The following CERS1 variants were observed in gnomAD, a reference collection of about 807,000 sequenced individuals.
The protein encoded by CERS1 is ceramide synthase 1.
In CERS1, 16 loss-of-function variants were observed where a neutral mutation model predicts 35.7. The observed-to-expected ratio is 0.45, with a 90% CI of 0.30 to 0.68. The LOEUF is 0.68. CERS1 is among the 30% of genes least tolerant of loss of function. The pLI is 0.08. For missense variants in CERS1, 454 were observed against 453.9 expected, an observed-to-expected ratio of 1.00 and a Z score of 0.00; for synonymous variants, 243 against 201.6, an observed-to-expected ratio of 1.21 and a Z score of -1.74.
Position 18,884,549 on chromosome 19 carries a change from A to G in CERS1, c.410-282T>C, listed in dbSNP as rs545113235. Reference sequence around the variant, plus strand: ...CAGCCTCCTGAGTAGCTAGGACTACAGGTGCATGCCACCAAGCCCGGCTAA... The same window carrying G: ...CAGCCTCCTGAGTAGCTAGGACTACGGGTGCATGCCACCAAGCCCGGCTAA... On this transcript the variant is annotated intron_variant, in intron 2 of 7. Transcript: ENST00000623882. Among the ~76,000 whole-genome samples the G allele has an allele frequency of 7.2e-5, 11 of 151,876 alleles. No homozygotes were observed. In the South Asian group the frequency reaches 2.3e-3, roughly 32 times the overall value.
intron 6 of CERS1, among the ~76,000 whole-genome samples, chr19:18,875,213 G>C (rs1372428519): frequency 6.6e-6 from 1 of 151,482 alleles, no homozygotes; most frequent in African/African-American, 2.4e-5. Flanking sequence ...TCCAGCGTGG[G>C]CGACAGAGTG....
At chr19:18,872,849 A>G (rs1347235681) in intron 6 of CERS1, among the ~76,000 whole-genome samples, 6 of 152,058 alleles carry the variant, frequency 3.9e-5, no homozygotes, top group African/African-American at 1.4e-4. Flanking sequence ...GGATTTCACC[A>G]CGTTGGCCAG....
Position 18,878,447 on chromosome 19 carries a change from G to A in CERS1, c.1010+483C>T. 1.0e-6 allele frequency: 1 copy of A among 990,662 alleles called. No homozygotes were observed. 61.4% of individuals were successfully genotyped at this position (990,662 alleles called of 1,614,324 possible). ...CCCAGCTCCTGTTTGGCCGGGCAGT[G>A]GGCTCCCCTGTCAAACTCAGAGGCC... is the stretch of plus-strand genomic sequence containing the variant. On this transcript the variant is annotated intron_variant, in intron 6 of 7. Transcript: ENST00000623882. The surrounding 1 kb of genome is among the most constrained non-coding windows in gnomAD (Gnocchi z 4.6).
chr19:18,869,857 G>A lies in CERS1; in HGVS notation c.*594+126C>T. On this transcript the variant is annotated intron_variant, in intron 7 of 7. Transcript: ENST00000623882. ...AGGGTGAGGTGCGGTGGCCGAAGTT[G>A]CTAGTAGCCTGGACAGGGCGGGTGG... 29 of 900,390 alleles carry A rather than the reference G, an allele frequency of 3.2e-5. 1 individual carries two copies. The South Asian group carries it at 4.0e-4, about 12-fold the overall frequency. The allele number at this position is 900,390 out of a possible 1,614,324, so 55.8% of individuals were successfully genotyped here.
At chr19:18,874,163 G>A (rs989541463) in intron 6 of CERS1, among the ~76,000 whole-genome samples, 22 of 152,140 alleles carry the variant, frequency 1.4e-4, no homozygotes, top group African/African-American at 5.1e-4. Flanking sequence ...ATCCTCACCC[G>A]GCCACTTCTG....
intron 2 of CERS1, among the ~76,000 whole-genome samples, chr19:18,888,132 G>A (rs1235736269): frequency 6.6e-6 from 1 of 152,160 alleles, no homozygotes; most frequent in Non-Finnish European, 1.5e-5. Context: ...GGCCAAGGTG[G>A]GTGGATCACT....
chr19:18,885,966 G>T (rs903740642), intron 2 of CERS1, among the ~76,000 whole-genome samples: 1 of 152,220 alleles, frequency 6.6e-6, no homozygotes, highest in South Asian at 2.1e-4. Context: ...CGCCAAGCGG[G>T]TCCTGCCTCA....
chr19:18,887,935 A>AC (rs970966482), intron 2 of CERS1, among the ~76,000 whole-genome samples: 21 of 151,374 alleles, frequency 1.4e-4, no homozygotes, highest in East Asian at 1.9e-4. Context: ...CAGCCCTGGC[A>AC]CCCCCCATCC....
At position 18,884,299 on chromosome 19, in the gene CERS1, C is replaced by T. The variant is rs759487126; in HGVS notation, c.410-32G>A. On this transcript the variant is annotated intron_variant, in intron 2 of 7. Transcript: ENST00000623882. The stretch of plus-strand genomic sequence containing the variant: ...AGAGCCAAATCTCACAGTCAGGGCC[C>T]TGCGAAGCCTCTAGACGATCGCCTC... 1.4e-5 allele frequency: 22 copies of T among 1,584,110 alleles called. 2 individuals carry two copies. The South Asian group carries it at 2.5e-4, about 18-fold the overall frequency.
At chr19:18,886,133 C>T (rs1465064313) in intron 2 of CERS1, among the ~76,000 whole-genome samples, 9 of 149,942 alleles carry the variant, frequency 6.0e-5, no homozygotes, top group East Asian at 1.9e-4. Flanking sequence ...TGGACGGGCA[C>T]GGTGGCTCAT....
Position 18,870,092 on chromosome 19 carries a change from C to T in CERS1, c.*485G>A. On this transcript the variant is annotated 3_prime_UTR_variant, in exon 7 of 8. Transcript: ENST00000623882. This position sits in a 1 kb window ranked among gnomAD's most constrained non-coding sequence, Gnocchi z 5.1. ...TCCGCCGCGAGCCAGACCTGGTCTC[C>T]TGGGGGTCCCGGCGTCGAAACAGGC... The T allele has an allele frequency of 3.8e-6, 6 of 1,574,760 alleles. No individual in the cohort carries two copies. Among genetic ancestry groups the T allele is most frequent in the Non-Finnish European group, 5.2e-6 (6 of 1,164,636 alleles).
chr19:18,875,725 A>C (rs1411144754), intron 6 of CERS1, among the ~76,000 whole-genome samples: 1 of 152,172 alleles, frequency 6.6e-6, no homozygotes, highest in African/African-American at 2.4e-5. Context: ...TTAGACAACA[A>C]GACCAGTGAC....
At chr19:18,888,599 G>A (rs1355155769) in intron 2 of CERS1, among the ~76,000 whole-genome samples, 2 of 150,938 alleles carry the variant, frequency 1.3e-5, no homozygotes, top group African/African-American at 4.9e-5. Flanking sequence ...GGGAGGCCAA[G>A]GGAGGCAGAT....
intron 2 of CERS1, among the ~76,000 whole-genome samples, chr19:18,889,988 T>G (rs947263833): frequency 6.6e-6 from 1 of 151,884 alleles, no homozygotes; most frequent in African/African-American, 2.4e-5. Flanking sequence ...CTGGTGGGAG[T>G]CCCTTCAGGC....
Position 18,895,722 on chromosome 19 carries a change from C to A in CERS1, c.249+102G>T. The A allele has an allele frequency of 1.7e-6, 1 of 588,866 alleles. No homozygotes were observed. The highest frequency in any genetic ancestry group is 2.3e-6 in the Non-Finnish European group (1 of 429,698). The allele number at this position is 588,866 out of a possible 1,614,324, so 36.5% of individuals were successfully genotyped here. A position where few individuals can be genotyped will look rare whatever the true frequency, so the allele number is the denominator to read the frequency against. On this transcript the variant is annotated intron_variant, in intron 1 of 7. Coordinates refer to ENST00000623882, the MANE Select transcript of CERS1 (RefSeq NM_021267.5). This position sits in a 1 kb window ranked among gnomAD's most constrained non-coding sequence, Gnocchi z 6.4. Reference sequence around the variant, plus strand: ...GTTCCGGCGACCCCTTCATCCGCAGCAGCCAGCGCTGGAAGAAAGGAACGC... The same window carrying A: ...GTTCCGGCGACCCCTTCATCCGCAGAAGCCAGCGCTGGAAGAAAGGAACGC...
Position 18,894,637 on chromosome 19 carries a change from G to T in CERS1, c.250-1062C>A, listed in dbSNP as rs555947287. Among the ~76,000 whole-genome samples, 23 of 152,234 alleles carry T rather than the reference G, an allele frequency of 1.5e-4. No homozygotes were observed. The South Asian group carries it at 4.8e-3, about 32-fold the overall frequency. On this transcript the variant is annotated intron_variant, in intron 1 of 7. Transcript: ENST00000623882. ...TTCCCAGCTGGAAACTGGGAAGAAG[G>T]CAGGGGCAACAAGCAGGATAAAGAC...
Position 18,869,209 on chromosome 19 carries a change from T to G in CERS1, c.*776A>C, listed in dbSNP as rs1280861632. On this transcript the variant is annotated 3_prime_UTR_variant, in exon 8 of 8. Coordinates refer to ENST00000623882, the MANE Select transcript of CERS1 (RefSeq NM_021267.5). ...GGTCCGCGCCCGCGCCCTGGCCCGC[T>G]TGCGCCACGCTCAGCTCCCAGCCGC... 2.6e-5 allele frequency: 33 copies of G among 1,282,254 alleles called. No homozygotes were observed. Among genetic ancestry groups the G allele is most frequent in the Non-Finnish European group, 2.0e-6 (2 of 1,019,392 alleles). The allele number at this position is 1,282,254 out of a possible 1,614,324, so 79.4% of individuals were successfully genotyped here. A position where few individuals can be genotyped will look rare whatever the true frequency, so the allele number is the denominator to read the frequency against.
rs2055948285 is a variant in CERS1 at position 18,870,477 on chromosome 19, GAGGAGC to G, written c.*94_*99del. ...CCCAGGGGAGGTGGCGGCGGCCCTA[GAGGAGC>G]AGAGTTGGAGGGGGTGGAGGGGCGG... On this transcript the variant is annotated 3_prime_UTR_variant, in exon 7 of 8. Coordinates refer to ENST00000623882, the MANE Select transcript of CERS1 (RefSeq NM_021267.5). The surrounding 1 kb of genome is among the most constrained non-coding windows in gnomAD (Gnocchi z 5.1). 1 of 659,068 alleles carries G rather than the reference GAGGAGC, an allele frequency of 1.5e-6. No individual in the cohort carries two copies. Among genetic ancestry groups the G allele is most frequent in the African/African-American group, 1.9e-5 (1 of 51,356 alleles). The allele number at this position is 659,068 out of a possible 1,614,324, so 40.8% of individuals were successfully genotyped here. A position where few individuals can be genotyped will look rare whatever the true frequency, so the allele number is the denominator to read the frequency against.
intron 2 of CERS1, among the ~76,000 whole-genome samples, chr19:18,885,380 T>C (rs1056140958): frequency 1.3e-5 from 2 of 151,840 alleles, no homozygotes; most frequent in Middle Eastern, 3.4e-3. Flanking sequence ...TATTTCTTTT[T>C]TAATTTTTGT....
Sources: allele counts gnomAD v4.1 joint callset (sites outside exome capture counted in the v4.1 genomes callset), GRCh38; gene constraint gnomAD v4.1.1; non-coding constraint Gnocchi (gnomAD v3.1); transcripts MANE v1.5; gene names NCBI Gene and HGNC (gene_info 2026-07-23, HGNC 2026-07-21).